SCMH1: variants seen among roughly 807,000 people sequenced by gnomAD.
The protein encoded by SCMH1 is Scm polycomb group protein homolog 1.
A neutral mutation model predicts 70.8 loss-of-function variants in SCMH1; 37 were observed. The observed-to-expected ratio is 0.52, with a 90% CI of 0.40 to 0.69. The LOEUF (loss-of-function observed/expected upper bound fraction) is 0.69. SCMH1 is among the 30% of genes least tolerant of loss of function. SCMH1 has a pLI of 0.00. For synonymous variants in SCMH1, 292 were observed against 307.4 expected, an observed-to-expected ratio of 0.95 and a Z score of 0.52; for missense variants, 607 against 827.3, an observed-to-expected ratio of 0.73 and a Z score of 3.27.
chr1:41,170,326 A>G (rs923244672), intron 2 of SCMH1, among the ~76,000 whole-genome samples: 1 of 152,130 alleles, frequency 6.6e-6, no homozygotes, highest in African/African-American at 2.4e-5. Flanking sequence ...TCCCTTCCCA[A>G]TTTTATGGCA....
chr1:41,223,091 C>T (rs944181675), intron 1 of SCMH1, among the ~76,000 whole-genome samples: 4 of 152,036 alleles, frequency 2.6e-5, no homozygotes, highest in Admixed American at 6.6e-5. Flanking sequence ...AAATCCCTGT[C>T]GGATAAAATT....
chr1:41,160,952 T>C, intron 3 of SCMH1, 54 bp from the exon 4 acceptor site: 1 of 1,482,628 alleles, frequency 6.7e-7, no homozygotes, highest in Non-Finnish European at 9.2e-7. Context: ...CATACCAACA[T>C]GATGGAAGGT....
chr1:41,087,190 A>G (rs1301105603), intron 8 of SCMH1, among the ~76,000 whole-genome samples: 1 of 152,172 alleles, frequency 6.6e-6, no homozygotes, highest in Non-Finnish European at 1.5e-5. Context: ...AACACAAATT[A>G]GATCTATTTC....
At chr1:41,191,571 A>G (rs1013597540) in intron 1 of SCMH1, among the ~76,000 whole-genome samples, 3 of 152,190 alleles carry the variant, frequency 2.0e-5, no homozygotes, top group Non-Finnish European at 4.4e-5. Flanking sequence ...CTGCTGGTAT[A>G]AACATAGAAC....
chr1:41,041,155 A>G (rs1224585493), intron 12 of SCMH1, among the ~76,000 whole-genome samples: 4 of 152,176 alleles, frequency 2.6e-5, no homozygotes, highest in African/African-American at 9.7e-5. Context: ...TGTTGATCTA[A>G]GAAAATTCTT....
At chr1:41,096,700 C>T (rs1020024636) in intron 8 of SCMH1, among the ~76,000 whole-genome samples, 4 of 152,220 alleles carry the variant, frequency 2.6e-5, no homozygotes, top group Non-Finnish European at 5.9e-5. Flanking sequence ...GTAGAGGATA[C>T]AGTCAAAGGG....
chr1:41,241,665 C>G (rs1663577446), intron 1 of SCMH1, among the ~76,000 whole-genome samples: 1 of 152,034 alleles, frequency 6.6e-6, no homozygotes, highest in Non-Finnish European at 1.5e-5. Context: ...GCCAGCCTGC[C>G]CCGGCCCACC....
At chr1:41,130,764 G>A (rs937163748) in intron 6 of SCMH1, among the ~76,000 whole-genome samples, 1 of 152,038 alleles carries the variant, frequency 6.6e-6, no homozygotes, top group Non-Finnish European at 1.5e-5. Context: ...CCTCCAAAAA[G>A]AGGCCCAATA....
intron 1 of SCMH1, among the ~76,000 whole-genome samples, chr1:41,208,447 A>AT (rs398102667): frequency 1.4e-5 from 2 of 144,998 alleles, no homozygotes; most frequent in African/African-American, 2.5e-5. Flanking sequence ...AAAAAAAAAA[A>AT]TAAAAAATAA....
chr1:41,030,753 T>C (rs1418561497), intron 13 of SCMH1, among the ~76,000 whole-genome samples: 2 of 152,204 alleles, frequency 1.3e-5, no homozygotes, highest in Non-Finnish European at 2.9e-5. Context: ...CCCTATACAA[T>C]ATAAGCTCTC....
intron 8 of SCMH1, among the ~76,000 whole-genome samples, chr1:41,085,529 A>G (rs1232984571): frequency 6.6e-6 from 1 of 152,188 alleles, no homozygotes; most frequent in Non-Finnish European, 1.5e-5. Context: ...ATTAAAGATA[A>G]GAGAAACAAA....
At chr1:41,201,568 C>T (rs1302369274) in intron 1 of SCMH1, among the ~76,000 whole-genome samples, 1 of 152,166 alleles carries the variant, frequency 6.6e-6, no homozygotes, top group African/African-American at 2.4e-5. Context: ...TAGTTGTCTT[C>T]CAATGAGCAA....
rs369516782 is a variant in SCMH1, at chr1:41,166,900, C to T, written c.14-5468G>A. ...CTATGTTGAACAGAAGTGGTAAGAG[C>T]GGGCATCCTTGTCTTGTTCTAGGTC... On this transcript the variant is annotated intron_variant, in intron 2 of 14. Transcript: ENST00000337495. Among the ~76,000 whole-genome samples, 74 of 152,120 alleles carry T rather than the reference C, an allele frequency of 4.9e-4. No individual in the cohort carries two copies. In the South Asian group the frequency reaches 0.012, roughly 25 times the overall value.
intron 2 of SCMH1, among the ~76,000 whole-genome samples, chr1:41,179,692 TA>T (rs1486049970): frequency 6.6e-6 from 1 of 152,072 alleles, no homozygotes; most frequent in Non-Finnish European, 1.5e-5. Flanking sequence ...AATAGACCAA[TA>T]ACAGGCTCTG....
chr1:41,162,722 G>A (rs1237789502), intron 2 of SCMH1: 1 of 152,152 alleles, frequency 6.6e-6, no homozygotes, highest in Non-Finnish European at 1.5e-5. Context: ...ATGACCAGCT[G>A]CAGAGGAGCC....
chr1:41,117,085 C>A, intron 6 of SCMH1, 75 bp from the exon 7 acceptor site: 1 of 1,370,578 alleles, frequency 7.3e-7, no homozygotes, highest in South Asian at 1.5e-5. Flanking sequence ...GCAAGCCACC[C>A]AGGTGCCGAG....
chr1:41,182,207 G>A (rs979679429), intron 2 of SCMH1, among the ~76,000 whole-genome samples: 12 of 152,154 alleles, frequency 7.9e-5, no homozygotes, highest in Admixed American at 5.9e-4. Flanking sequence ...TGTGGGATGC[G>A]GGGAGAGGGG....
chr1:41,186,207 C>A, exon 2 of SCMH1: 2 of 809,676 alleles, frequency 2.5e-6, no homozygotes, highest in South Asian at 2.9e-5. Flanking sequence ...ATACCTTGCT[C>A]TGACTTCTGA....
intron 1 of SCMH1, among the ~76,000 whole-genome samples, chr1:41,203,722 C>A (rs571668803): frequency 6.6e-6 from 1 of 152,228 alleles, no homozygotes; most frequent in African/African-American, 2.4e-5. Context: ...ATAGCATGAG[C>A]GATCTGTGCC....
Sources: allele counts gnomAD v4.1 joint callset (sites outside exome capture counted in the v4.1 genomes callset), GRCh38; gene constraint gnomAD v4.1.1; transcripts MANE v1.5; gene names NCBI Gene and HGNC (gene_info 2026-07-23, HGNC 2026-07-21).